The following PPP2R2A variants were observed in gnomAD, a reference collection of about 807,000 sequenced individuals.
PPP2R2A encodes protein phosphatase 2 regulatory subunit Balpha.
In PPP2R2A, 9 loss-of-function variants were observed where a neutral mutation model predicts 53.2. The observed-to-expected ratio is 0.17, with a 90% CI of 0.10 to 0.30. The LOEUF (loss-of-function observed/expected upper bound fraction) is 0.30, where lower values mean the gene tolerates loss of function less well. Ranked by LOEUF, PPP2R2A falls within the 10% of genes least tolerant of loss-of-function variation. PPP2R2A has a pLI of 1.00. For synonymous variants in PPP2R2A, 169 were observed against 174.2 expected (o/e 0.97, Z 0.23); for missense variants, 235 against 534.6 (o/e 0.44, Z 5.53).
At chr8:26,339,295 T>C (rs988999513) in intron 3 of PPP2R2A, among the ~76,000 whole-genome samples, 1 of 152,306 alleles carries the variant, frequency 6.6e-6, no homozygotes, top group Admixed American at 6.5e-5. Flanking sequence ...CCCTTCATTA[T>C]AATTTTTCCT....
At chr8:26,366,162 A>C in intron 8 of PPP2R2A, 153 bp from the exon 9 acceptor site, 1 of 615,270 alleles carries the variant, frequency 1.6e-6, no homozygotes, top group Non-Finnish European at 2.8e-6. Context: ...GTAAAAGGAC[A>C]AAATGCCTTT....
Position 26,354,413 on chromosome 8 carries a change from G to T in PPP2R2A, c.181-55G>T, listed in dbSNP as rs1804671159. 1.5e-6 allele frequency: 2 copies of T among 1,366,854 alleles called. No individual in the cohort carries two copies. Among genetic ancestry groups the T allele is most frequent in the South Asian group, 1.7e-5 (1 of 58,862 alleles). The allele number at this position is 1,366,854 out of a possible 1,614,324, so 84.7% of individuals were successfully genotyped here. On this transcript the variant is annotated intron_variant, in intron 3 of 9. Coordinates refer to ENST00000380737, the MANE Select transcript of PPP2R2A (RefSeq NM_002717.4). The surrounding 1 kb of genome is among the most constrained non-coding windows in gnomAD (Gnocchi z 4.6). ...GTCCTTTGGAATTGATTACATATTT[G>T]ATTATTTTGAAATATTTTTCAACAA...
intron 2 of PPP2R2A, among the ~76,000 whole-genome samples, chr8:26,336,299 C>T (rs929651302): frequency 3.9e-5 from 6 of 151,950 alleles, no homozygotes; most frequent in Middle Eastern, 3.4e-3. Context: ...CATGGTGGTC[C>T]GCACCTGTAG....
intron 2 of PPP2R2A, among the ~76,000 whole-genome samples, chr8:26,334,410 G>A (rs1803545623): frequency 6.6e-6 from 1 of 152,098 alleles, no homozygotes; most frequent in Non-Finnish European, 1.5e-5. Context: ...TTGTTTAAAG[G>A]TGCAGAATTC....
chr8:26,366,517 T>C, intron 9 of PPP2R2A, 111 bp downstream of exon 9: 1 of 747,874 alleles, frequency 1.3e-6, no homozygotes, highest in Non-Finnish European at 2.1e-6. Flanking sequence ...ATTTAGTAAT[T>C]TTAGATATAG....
chr8:26,311,317 G>A (rs557685036), intron 2 of PPP2R2A, among the ~76,000 whole-genome samples: 3 of 152,214 alleles, frequency 2.0e-5, no homozygotes, highest in Non-Finnish European at 4.4e-5. Flanking sequence ...CACAAATTGA[G>A]ATCAACTAGT....
intron 3 of PPP2R2A, chr8:26,339,811 A>C (rs1272388456): frequency 6.6e-6 from 1 of 152,084 alleles, no homozygotes; most frequent in Non-Finnish European, 1.5e-5. Flanking sequence ...ACATGTCTAA[A>C]TCATAACACA....
chr8:26,330,144 A>G (rs1367937880), intron 2 of PPP2R2A, among the ~76,000 whole-genome samples: 1 of 152,032 alleles, frequency 6.6e-6, no homozygotes, highest in Non-Finnish European at 1.5e-5. Flanking sequence ...TGTTTTGATT[A>G]TAGGGTAGTT....
intron 8 of PPP2R2A, chr8:26,366,076 G>A: frequency 2.4e-6 from 1 of 410,576 alleles, no homozygotes; most frequent in Non-Finnish European, 4.3e-6. Context: ...AAGGCTATGT[G>A]TGCCATGCCC....
intron 2 of PPP2R2A, among the ~76,000 whole-genome samples, chr8:26,337,103 T>C (rs1316478134): frequency 6.6e-6 from 1 of 152,146 alleles, no homozygotes; most frequent in Non-Finnish European, 1.5e-5. Context: ...CGGCCCATTA[T>C]TCCACTGAGT....
At chr8:26,308,717 T>C (rs1220626101) in intron 2 of PPP2R2A, among the ~76,000 whole-genome samples, 1 of 152,232 alleles carries the variant, frequency 6.6e-6, no homozygotes, top group African/African-American at 2.4e-5. Flanking sequence ...CTTGTCAATG[T>C]TGATATTTTG....
At chr8:26,350,515 T>G (rs1804439373) in intron 3 of PPP2R2A, 1 of 151,988 alleles carries the variant, frequency 6.6e-6, no homozygotes, top group Non-Finnish European at 1.5e-5. Context: ...TCCTTCCCAC[T>G]TCAGCCTCCC....
intron 2 of PPP2R2A, among the ~76,000 whole-genome samples, chr8:26,307,280 C>G (rs1305502459): frequency 6.6e-6 from 1 of 152,132 alleles, no homozygotes; most frequent in East Asian, 1.9e-4. Flanking sequence ...TTAAAAATAA[C>G]AGTTTGGGTT....
chr8:26,323,433 G>A (rs1802939600), intron 2 of PPP2R2A, among the ~76,000 whole-genome samples: 1 of 152,140 alleles, frequency 6.6e-6, no homozygotes, highest in Non-Finnish European at 1.5e-5. Context: ...AGGTTGAGGG[G>A]GCTCGGTCCC....
intron 4 of PPP2R2A, among the ~76,000 whole-genome samples, chr8:26,356,345 T>A (rs1019066952): frequency 6.6e-6 from 1 of 152,232 alleles, no homozygotes; most frequent in Non-Finnish European, 1.5e-5. Flanking sequence ...CCCGTTTTTC[T>A]GATCATGAAA....
intron 2 of PPP2R2A, among the ~76,000 whole-genome samples, chr8:26,305,339 A>G (rs989228342): frequency 3.3e-5 from 5 of 152,096 alleles, no homozygotes; most frequent in African/African-American, 1.2e-4. Flanking sequence ...TTCATGTTTT[A>G]ACTCTCGAGC....
chr8:26,368,478 C>G (rs1277800479), intron 9 of PPP2R2A, among the ~76,000 whole-genome samples: 1 of 152,206 alleles, frequency 6.6e-6, no homozygotes. Context: ...GCAAATAGAA[C>G]TGACAAGGAA....
Position 26,321,481 on chromosome 8 carries a change from A to C in PPP2R2A, c.83-17409A>C, listed in dbSNP as rs1409170069. 2.0e-5 allele frequency among the ~76,000 whole-genome samples: 3 copies of C among 152,176 alleles called. No individual in the cohort carries two copies. Among genetic ancestry groups the C allele is most frequent in the Non-Finnish European group, 4.4e-5 (3 of 68,020 alleles). ...TGGACCTCTCGTGACTTGCTTCCACAAGTGGGGCAAGATGCTGGGATGCTG... is the reference window on the plus strand; with the variant it reads ...TGGACCTCTCGTGACTTGCTTCCACCAGTGGGGCAAGATGCTGGGATGCTG... On this transcript the variant is annotated intron_variant, in intron 2 of 9. Coordinates refer to ENST00000380737, the MANE Select transcript of PPP2R2A (RefSeq NM_002717.4). The surrounding 1 kb of genome is among the most constrained non-coding windows in gnomAD (Gnocchi z 4.1).
At chr8:26,342,849 T>C (rs1292135416) in intron 3 of PPP2R2A, among the ~76,000 whole-genome samples, 4 of 152,190 alleles carry the variant, frequency 2.6e-5, no homozygotes, top group Non-Finnish European at 5.9e-5. Context: ...TATGATAGTA[T>C]TACCTTTCTA....
Sources: gnomAD v4.1 joint callset for allele counts (sites outside exome capture counted in the v4.1 genomes callset) on GRCh38, gnomAD v4.1.1 for gene constraint, Gnocchi (gnomAD v3.1) non-coding constraint, MANE v1.5 for transcripts, NCBI Gene and HGNC (gene_info 2026-07-23, HGNC 2026-07-21) for gene names.